The following NEDD4L variants were observed in gnomAD, a reference collection of about 807,000 sequenced individuals.
NEDD4L encodes the protein E3 ubiquitin-protein ligase NEDD4-like.
NEDD4L carries 54 observed loss-of-function variants against 148.9 expected under a neutral mutation model. The observed-to-expected ratio is 0.36, with a 90% CI of 0.29 to 0.45. The LOEUF (loss-of-function observed/expected upper bound fraction) is 0.45, where lower values mean the gene tolerates loss of function less well. Ranked by LOEUF, NEDD4L falls within the 20% of genes least tolerant of loss-of-function variation. The pLI, the probability that NEDD4L is intolerant of heterozygous loss-of-function variation, is 1.00. For synonymous variants in NEDD4L, 433 were observed against 440.7 expected (o/e 0.98, Z 0.22); for missense variants, 856 against 1,233.8 (o/e 0.69, Z 4.59).
chr18:58,324,955 A>G (rs2059182152), intron 8 of NEDD4L, 41 bp from the exon 9 acceptor site: 5 of 1,580,774 alleles, frequency 3.2e-6, no homozygotes, highest in African/African-American at 2.7e-5. Flanking sequence ...TCACAGCCGA[A>G]GAACCAACCT....
Position 58,060,482 on chromosome 18 carries a change from A to T in NEDD4L, c.48+15774A>T, listed in dbSNP as rs74673583. Among the ~76,000 whole-genome samples, 1,288 of 152,252 alleles carry T rather than the reference A, an allele frequency of 8.5e-3. 26 individuals carry two copies. The highest frequency in any genetic ancestry group is 0.029 in the African/African-American group (1,223 of 41,528). ...GGATTTGAGTTGGACAACCCTAGGC[A>T]GTTGCAGAGCTGTCCAGGCAGAAAT... On this transcript the variant is annotated intron_variant, in intron 1 of 30. Transcript: ENST00000400345.
chr18:58,330,013 G>A (rs1354061047), intron 10 of NEDD4L, among the ~76,000 whole-genome samples: 1 of 152,098 alleles, frequency 6.6e-6, no homozygotes, highest in Non-Finnish European at 1.5e-5. Flanking sequence ...ATAAATTTAG[G>A]TGAACAGAAA....
At position 58,341,732 on chromosome 18, in the gene NEDD4L, G is replaced by A. The variant is rs1465434906; in HGVS notation, c.1312G>A (p.Glu438Lys). The A allele has an allele frequency of 6.2e-7, 1 of 1,613,842 alleles. No individual in the cohort carries two copies. Among genetic ancestry groups the A allele is most frequent in the Non-Finnish European group, 8.5e-7 (1 of 1,179,858 alleles). Residue 438 changes from glutamate to lysine, a missense_variant, in exon 15 of 31, where the codon GAG becomes AAG. Around this residue, in one of 4 missense-constraint regions of NEDD4L, gnomAD observed 367 missense variants for 422.7 expected, o/e 0.87. Coordinates refer to ENST00000400345, the MANE Select transcript of NEDD4L (RefSeq NM_001144967.3). ...CACAAACAGTAACAACCATCTAATC[G>A]AGCCTCAGATCCGCCGGCCTCGTAG... ...SATNSNNHLIEPQIRRPRSLS... is the reference protein window; with the variant it reads ...SATNSNNHLIKPQIRRPRSLS...
chr18:58,151,986 G>A (rs975791622), intron 1 of NEDD4L, among the ~76,000 whole-genome samples: 2 of 152,080 alleles, frequency 1.3e-5, no homozygotes, highest in African/African-American at 4.8e-5. Flanking sequence ...ATATCCCATA[G>A]GATAGAAAGG....
At chr18:58,315,108 G>C (rs1312455752) in intron 5 of NEDD4L, among the ~76,000 whole-genome samples, 1 of 152,146 alleles carries the variant, frequency 6.6e-6, no homozygotes, top group African/African-American at 2.4e-5. Context: ...TACGCATTTT[G>C]AATGTGGTGG....
intron 2 of NEDD4L, among the ~76,000 whole-genome samples, chr18:58,236,344 G>A (rs950407011): frequency 4.0e-5 from 6 of 151,652 alleles, no homozygotes; most frequent in Admixed American, 3.9e-4. Context: ...GTGACAGAGC[G>A]AGACCCTGTC....
At chr18:58,229,591 A>G (rs1474671720) in intron 2 of NEDD4L, among the ~76,000 whole-genome samples, 3 of 152,158 alleles carry the variant, frequency 2.0e-5, no homozygotes, top group Non-Finnish European at 2.9e-5. Context: ...ATTTGAGGTT[A>G]ATCACAATGA....
At chr18:58,051,520 G>A (rs914953017) in intron 1 of NEDD4L, among the ~76,000 whole-genome samples, 3 of 150,696 alleles carry the variant, frequency 2.0e-5, no homozygotes, top group Admixed American at 6.6e-5. Context: ...TTGCTTGTGC[G>A]GTGTTTAAAA....
At position 58,383,323 on chromosome 18, in the gene NEDD4L, T is replaced by C. The variant is rs1601943711; in HGVS notation, c.2426+4T>C. On this transcript the variant is annotated splice_donor_region_variant and intron_variant, in intron 25 of 30. Transcript: ENST00000400345. ...AAAACAAAAGGGAATATATCGAGTATGTATACACATATTTACTGCCTTTTC... is the reference window on the plus strand; with the variant it reads ...AAAACAAAAGGGAATATATCGAGTACGTATACACATATTTACTGCCTTTTC... The C allele has an allele frequency of 1.4e-6, 2 of 1,475,634 alleles. No individual in the cohort carries two copies. Among genetic ancestry groups the C allele is most frequent in the Non-Finnish European group, 1.9e-6 (2 of 1,078,806 alleles). 91.4% of individuals were successfully genotyped at this position (1,475,634 alleles called of 1,614,324 possible).
chr18:58,067,418 T>C (rs79642458), intron 1 of NEDD4L, among the ~76,000 whole-genome samples: 11,277 of 152,276 alleles, frequency 0.074, 489 homozygotes, highest in African/African-American at 0.11. Flanking sequence ...CCTTTTGCTA[T>C]TTTCGTTTAA....
chr18:58,386,065 TTGA>T (rs2048973676), intron 26 of NEDD4L, among the ~76,000 whole-genome samples: 1 of 151,708 alleles, frequency 6.6e-6, no homozygotes. Flanking sequence ...GATTGATTGA[TTGA>T]TTTTGAGAGA....
At chr18:58,233,002 C>G (rs62094531) in intron 2 of NEDD4L, among the ~76,000 whole-genome samples, 2,050 of 152,166 alleles carry the variant, frequency 0.013, 24 homozygotes, top group Non-Finnish European at 0.021. Context: ...TTTCTAAGTC[C>G]AAAAAGCCCT....
At chr18:58,049,955 G>A (rs1272684075) in intron 1 of NEDD4L, among the ~76,000 whole-genome samples, 3 of 140,870 alleles carry the variant, frequency 2.1e-5, no homozygotes, top group East Asian at 2.1e-4. Context: ...TAGCCTGGGC[G>A]ACAGAGTGAG....
chr18:58,269,682 G>C (rs2050745075), intron 5 of NEDD4L, among the ~76,000 whole-genome samples: 1 of 152,062 alleles, frequency 6.6e-6, no homozygotes, highest in Non-Finnish European at 1.5e-5. Context: ...TCAGGGTTGA[G>C]AAAAACTGAT....
intron 2 of NEDD4L, among the ~76,000 whole-genome samples, chr18:58,193,576 A>G (rs1426532332): frequency 1.3e-5 from 2 of 152,162 alleles, no homozygotes; most frequent in African/African-American, 4.8e-5. Flanking sequence ...TGAATTTTCC[A>G]ATTTCTTCTT....
intron 1 of NEDD4L, among the ~76,000 whole-genome samples, chr18:58,116,164 C>T (rs2145743523): frequency 6.6e-6 from 1 of 152,362 alleles, no homozygotes; most frequent in African/African-American, 2.4e-5. Context: ...ACCACCTGGT[C>T]ATTTGATTAC....
intron 6 of NEDD4L, among the ~76,000 whole-genome samples, chr18:58,320,984 A>G (rs1336150338): frequency 6.6e-6 from 1 of 152,236 alleles, no homozygotes; most frequent in African/African-American, 2.4e-5. Context: ...TCTAGAAAAT[A>G]TAATTTACTT....
At chr18:58,337,257 T>C (rs926373514) in intron 13 of NEDD4L, among the ~76,000 whole-genome samples, 3 of 152,226 alleles carry the variant, frequency 2.0e-5, no homozygotes, top group African/African-American at 4.8e-5. Flanking sequence ...AAGTGTTTCA[T>C]CTACTTTGGT....
In NEDD4L at chr18:58,063,110, A is replaced by T. The variant is rs185955475; in HGVS notation, c.48+18402A>T. 3.2e-3 allele frequency among the ~76,000 whole-genome samples: 400 copies of T among 126,004 alleles called. 2 individuals are homozygous for T. Among genetic ancestry groups the T allele is most frequent in the Non-Finnish European group, 5.2e-3 (333 of 64,386 alleles). 82.7% of individuals were successfully genotyped at this position (126,004 alleles called of 152,430 possible). A position where few individuals can be genotyped will look rare whatever the true frequency, so the allele number is the denominator to read the frequency against. ...GCCCAGGCTGGAGTGCAGTGGCGTTATCACGGTTCACTGTAGCCTTGACCT... is the reference window on the plus strand; with the variant it reads ...GCCCAGGCTGGAGTGCAGTGGCGTTTTCACGGTTCACTGTAGCCTTGACCT... On this transcript the variant is annotated intron_variant, in intron 1 of 30. Transcript: ENST00000400345.
Sources: gnomAD v4.1 joint callset for allele counts (sites outside exome capture counted in the v4.1 genomes callset) on GRCh38, gnomAD v4.1.1 for gene constraint, gnomAD v4.1.1 regional missense constraint, MANE v1.5 for transcripts, NCBI Gene and HGNC (gene_info 2026-07-23, HGNC 2026-07-21) for gene names.